GRIK2: variants seen among roughly 807,000 people sequenced by gnomAD.
GRIK2 encodes glutamate ionotropic receptor kainate type subunit 2.
In GRIK2, 32 loss-of-function variants were observed where a neutral mutation model predicts 100.3. That is an observed-to-expected ratio of 0.32 (90% CI 0.24 to 0.43). The LOEUF (loss-of-function observed/expected upper bound fraction) is 0.43. Among genes scored for constraint, GRIK2 ranks in the 20% least tolerant of loss-of-function variants. The pLI is 1.00. For synonymous variants in GRIK2, 417 were observed against 389.4 expected (o/e 1.07, Z -0.83); for missense variants, 843 against 1,114.9 (o/e 0.76, Z 3.47).
Position 102,036,589 on chromosome 6 carries a change from G to C in GRIK2, c.2311+1023G>C, listed in dbSNP as rs567758373. On this transcript the variant is annotated intron_variant, in intron 15 of 16. Coordinates refer to ENST00000369134, the MANE Select transcript of GRIK2 (RefSeq NM_021956.5). Reference sequence around the variant, plus strand: ...GGGATGTGAAAGAAGTAGAGAGAGGGAGAGAGAAAGAGAAAGAAGAGAGAG... The same window carrying C: ...GGGATGTGAAAGAAGTAGAGAGAGGCAGAGAGAAAGAGAAAGAAGAGAGAG... Among the ~76,000 whole-genome samples the C allele has an allele frequency of 1.2e-4, 18 of 150,988 alleles. 1 individual carries two copies. The highest frequency in any genetic ancestry group is 4.1e-4 in the African/African-American group (17 of 41,324).
intron 2 of GRIK2, among the ~76,000 whole-genome samples, chr6:101,462,548 A>T (rs575624069): frequency 5.9e-4 from 90 of 152,326 alleles, no homozygotes; most frequent in African/African-American, 2.1e-3. Flanking sequence ...TTCTTAAAAA[A>T]ATTATAGGTA....
intron 14 of GRIK2, among the ~76,000 whole-genome samples, chr6:102,034,682 TTA>T: frequency 6.6e-6 from 1 of 151,512 alleles, no homozygotes; most frequent in Admixed American, 6.6e-5. Flanking sequence ...CCAGGAATCT[TTA>T]GTTATTTAGT....
chr6:101,709,684 G>T (rs890994601), intron 7 of GRIK2, among the ~76,000 whole-genome samples: 2 of 151,942 alleles, frequency 1.3e-5, no homozygotes, highest in South Asian at 4.1e-4. Flanking sequence ...TTCCATTAAA[G>T]AAATAGATAG....
chr6:101,848,559 C>T (rs911824810), intron 10 of GRIK2, among the ~76,000 whole-genome samples: 5 of 152,122 alleles, frequency 3.3e-5, no homozygotes, highest in Non-Finnish European at 5.9e-5. Flanking sequence ...TATTTTAACA[C>T]GAGGTATTCC....
rs190864259 is a variant in GRIK2 at position 101,475,357 on chromosome 6, G to A, written c.115+75965G>A. 1.7e-3 allele frequency among the ~76,000 whole-genome samples: 261 copies of A among 151,938 alleles called. 3 individuals are homozygous for A. In the Middle Eastern group the frequency reaches 0.027, roughly 16 times the overall value. On this transcript the variant is annotated intron_variant, in intron 2 of 16. Transcript: ENST00000369134. ...AATATTGTATTTGTCAGAGTCCACC[G>A]AAATGATGGATAAAAATATATATTA... is the stretch of plus-strand genomic sequence containing the variant.
chr6:101,874,805 T>C (rs1785699722), intron 11 of GRIK2, among the ~76,000 whole-genome samples: 1 of 152,130 alleles, frequency 6.6e-6, no homozygotes, highest in South Asian at 2.1e-4. Context: ...CTTGAAGAGG[T>C]CCTTCACGTT....
chr6:101,585,951 A>G (rs946484525), intron 2 of GRIK2, among the ~76,000 whole-genome samples: 1 of 152,108 alleles, frequency 6.6e-6, no homozygotes, highest in African/African-American at 2.4e-5. Flanking sequence ...ACAAGGGAGG[A>G]AGTATATTTT....
chr6:101,885,988 C>G (rs779091702), intron 11 of GRIK2, among the ~76,000 whole-genome samples: 1 of 152,078 alleles, frequency 6.6e-6, no homozygotes, highest in Non-Finnish European at 1.5e-5. Flanking sequence ...TTGATAAATG[C>G]ATAATGTGTA....
At chr6:101,771,241 T>G (rs1778383907) in intron 7 of GRIK2, among the ~76,000 whole-genome samples, 1 of 151,984 alleles carries the variant, frequency 6.6e-6, no homozygotes, top group African/African-American at 2.4e-5. Flanking sequence ...TTTTCTTTTT[T>G]CATTAAAAAT....
At chr6:101,945,773 CAT>C (rs1295271543) in intron 14 of GRIK2, among the ~76,000 whole-genome samples, 2 of 152,238 alleles carry the variant, frequency 1.3e-5, no homozygotes, top group African/African-American at 4.8e-5. Context: ...ACTTATAACA[CAT>C]GTTCCTTCCA....
At chr6:101,980,800 TAAAC>T (rs1793668468) in intron 14 of GRIK2, among the ~76,000 whole-genome samples, 1 of 150,574 alleles carries the variant, frequency 6.6e-6, no homozygotes. Flanking sequence ...TATAAGAAAA[TAAAC>T]AGAGCATATA....
chr6:102,012,401 G>T (rs1795595703), intron 14 of GRIK2, among the ~76,000 whole-genome samples: 1 of 151,764 alleles, frequency 6.6e-6, no homozygotes, highest in South Asian at 2.1e-4. Context: ...TAAGATTTTG[G>T]TTAGAATTGT....
intron 4 of GRIK2, among the ~76,000 whole-genome samples, chr6:101,632,762 T>C (rs1175352278): frequency 6.6e-6 from 1 of 152,072 alleles, no homozygotes; most frequent in Non-Finnish European, 1.5e-5. Flanking sequence ...CTCCATGGGC[T>C]CAGAGTAGAG....
At chr6:101,631,985 C>T (rs1057361855) in intron 4 of GRIK2, among the ~76,000 whole-genome samples, 6 of 152,084 alleles carry the variant, frequency 3.9e-5, no homozygotes, top group Non-Finnish European at 2.9e-5. Flanking sequence ...AAATCCCCCA[C>T]TAATTTATTT....
chr6:102,057,165 T>A (rs977538038), intron 16 of GRIK2, among the ~76,000 whole-genome samples: 1 of 152,020 alleles, frequency 6.6e-6, no homozygotes, highest in African/African-American at 2.4e-5. Context: ...AATATAAGAA[T>A]GAAAATCATA....
chr6:101,949,642 A>G (rs1399102726), intron 14 of GRIK2, among the ~76,000 whole-genome samples: 1 of 152,124 alleles, frequency 6.6e-6, no homozygotes, highest in Non-Finnish European at 1.5e-5. Flanking sequence ...GCTGAGAATG[A>G]TGCTTTCTAT....
chr6:101,791,760 C>G lies in GRIK2; in HGVS notation c.952-7888C>G, dbSNP rs548224299. On this transcript the variant is annotated intron_variant, in intron 7 of 16. Transcript: ENST00000369134. ...GAGCTGAGTTCAATTCCTGGGTATC[C>G]TTGTTAACTTTCTGTCTCGTTGATC... 3.3e-5 allele frequency among the ~76,000 whole-genome samples: 5 copies of G among 151,902 alleles called. No individual in the cohort carries two copies. The East Asian group carries it at 9.7e-4, about 29-fold the overall frequency.
At chr6:102,000,911 C>T (rs1015683148) in intron 14 of GRIK2, among the ~76,000 whole-genome samples, 4 of 151,988 alleles carry the variant, frequency 2.6e-5, no homozygotes, top group African/African-American at 9.6e-5. Context: ...TATATTATGT[C>T]CTTTCTCTGC....
intron 2 of GRIK2, among the ~76,000 whole-genome samples, chr6:101,598,337 G>C (rs1318129025): frequency 2.0e-5 from 3 of 151,376 alleles, no homozygotes. Flanking sequence ...CTCATCCTGC[G>C]GGCAACACCA....
Sources: gnomAD v4.1 joint callset for allele counts (sites outside exome capture counted in the v4.1 genomes callset) on GRCh38, gnomAD v4.1.1 for gene constraint, MANE v1.5 for transcripts, NCBI Gene and HGNC (gene_info 2026-07-23, HGNC 2026-07-21) for gene names.